FAM178B: variants seen among roughly 807,000 people sequenced by gnomAD.
The protein encoded by FAM178B is protein FAM178B.
FAM178B carries 82 observed loss-of-function variants against 91.7 expected under a neutral mutation model. That is an observed-to-expected ratio of 0.89 (90% CI 0.75 to 1.07). FAM178B has a LOEUF of 1.07. Among genes scored for constraint, FAM178B ranks in the 50% least tolerant of loss-of-function variants. The probability of loss-of-function intolerance (pLI) is 0.00; values close to 1 mark genes in which losing one functional copy is unlikely to be tolerated. For missense variants in FAM178B, 769 were observed against 846.7 expected, an observed-to-expected ratio of 0.91 and a Z score of 1.14; for synonymous variants, 368 against 359.4, an observed-to-expected ratio of 1.02 and a Z score of -0.27.
chr2:96,978,888 G>A (rs556057787), intron 1 of FAM178B, among the ~76,000 whole-genome samples: 1 of 151,386 alleles, frequency 6.6e-6, no homozygotes, highest in South Asian at 2.1e-4. Flanking sequence ...GCCTCTCAAA[G>A]TGCTGGGATT....
At chr2:96,938,797 G>A (rs1268904643) in intron 8 of FAM178B, 1 of 152,358 alleles carries the variant, frequency 6.6e-6, no homozygotes, top group African/African-American at 2.4e-5. Flanking sequence ...AAAGCCACGA[G>A]TGGAAAAGGG....
intron 8 of FAM178B, among the ~76,000 whole-genome samples, chr2:96,943,573 G>A (rs1041088163): frequency 1.3e-5 from 2 of 152,136 alleles, no homozygotes; most frequent in African/African-American, 4.8e-5. Flanking sequence ...AAAAACTACT[G>A]AATCTTACAT....
At chr2:96,884,019 AG>A (rs2080455436) in intron 14 of FAM178B, among the ~76,000 whole-genome samples, 1 of 152,324 alleles carries the variant, frequency 6.6e-6, no homozygotes, top group East Asian at 1.9e-4. Context: ...AGTCTGGGAA[AG>A]GCTGAAGCTG....
At chr2:96,961,029 A>T in intron 5 of FAM178B, among the ~76,000 whole-genome samples, 1 of 152,156 alleles carries the variant, frequency 6.6e-6, no homozygotes, top group Admixed American at 6.5e-5. Flanking sequence ...TCTGAGGACC[A>T]CCCAGACAGC....
chr2:96,905,837 TATATATATATATATATATATATA>T lies in FAM178B; in HGVS notation c.1563-3153_1563-3131del, dbSNP rs1559064086. Among the ~76,000 whole-genome samples the T allele has an allele frequency of 9.7e-3, 273 of 28,186 alleles. 6 individuals are homozygous for T. Among genetic ancestry groups the T allele is most frequent in the South Asian group, 0.024 (29 of 1,186 alleles). The allele number at this position is 28,186 out of a possible 152,430, so 18.5% of individuals were successfully genotyped here. ...ATGTGTGTATATATATATATATATA[TATATATATATATATATATATATA>T]TTTTTTTTTTTTTTTTTTTTTTTTT... On this transcript the variant is annotated intron_variant, in intron 12 of 16. Coordinates refer to ENST00000490605, the MANE Select transcript of FAM178B (RefSeq NM_001122646.3).
intron 1 of FAM178B, among the ~76,000 whole-genome samples, chr2:96,984,273 A>G (rs1224029820): frequency 6.6e-6 from 1 of 152,122 alleles, no homozygotes; most frequent in African/African-American, 2.4e-5. Context: ...TGGTACATAA[A>G]AACTTTCACT....
chr2:96,932,158 G>A (rs939451062), intron 8 of FAM178B, among the ~76,000 whole-genome samples: 2 of 152,104 alleles, frequency 1.3e-5, no homozygotes, highest in African/African-American at 2.4e-5. Context: ...GGTTGTGCCC[G>A]CCTCCCCTTG....
chr2:96,931,534 G>GGC (rs2081539190), intron 8 of FAM178B, among the ~76,000 whole-genome samples: 1 of 152,192 alleles, frequency 6.6e-6, no homozygotes, highest in African/African-American at 2.4e-5. Context: ...AAAAGACGGA[G>GGC]GCAGGGCAGC....
chr2:96,945,184 C>T (rs1304819044), intron 8 of FAM178B, among the ~76,000 whole-genome samples: 1 of 152,176 alleles, frequency 6.6e-6, no homozygotes, highest in Non-Finnish European at 1.5e-5. Flanking sequence ...CAGAGTATCC[C>T]TTCTCTGAGT....
intron 12 of FAM178B, among the ~76,000 whole-genome samples, chr2:96,912,249 G>C (rs1223526186): frequency 6.6e-6 from 1 of 152,114 alleles, no homozygotes; most frequent in African/African-American, 2.4e-5. Flanking sequence ...TCAGCACTGG[G>C]CTGCTGCCAA....
chr2:96,972,655 A>AATT (rs1559105552), intron 1 of FAM178B, 49 bp from the exon 2 acceptor site: 1 of 1,511,582 alleles, frequency 6.6e-7, no homozygotes, highest in Admixed American at 2.0e-5. Context: ...AAGAAAGCTA[A>AATT]AGGTTCTAAA....
At chr2:96,968,935 A>G (rs1257008) in intron 4 of FAM178B, among the ~76,000 whole-genome samples, 126,288 of 152,130 alleles carry the variant, frequency 0.83, 53,738 homozygotes, top group African/African-American at 0.89. Context: ...TTTGGGTCCT[A>G]ACCGGCACAG....
At chr2:96,911,156 G>A (rs1028788588) in intron 12 of FAM178B, among the ~76,000 whole-genome samples, 1 of 152,122 alleles carries the variant, frequency 6.6e-6, no homozygotes, top group African/African-American at 2.4e-5. Context: ...TGCTGAGTGA[G>A]TCCCCCTGCC....
At chr2:96,937,706 CTGA>C (rs1469671548) in intron 8 of FAM178B, among the ~76,000 whole-genome samples, 3 of 152,182 alleles carry the variant, frequency 2.0e-5, no homozygotes, top group Non-Finnish European at 4.4e-5. Context: ...CAGCCATCCT[CTGA>C]TCAGAGTCTA....
intron 13 of FAM178B, among the ~76,000 whole-genome samples, chr2:96,900,342 G>A (rs575232331): frequency 6.6e-6 from 1 of 151,610 alleles, no homozygotes; most frequent in Non-Finnish European, 1.5e-5. Flanking sequence ...CCCTCCCAAG[G>A]TCTCAGCTGG....
rs547126451 is a variant in FAM178B at position 96,880,699 on chromosome 2, G to A, written c.1777-2206C>T. 3.3e-5 allele frequency among the ~76,000 whole-genome samples: 5 copies of A among 152,144 alleles called. No homozygotes were observed. The South Asian group carries it at 6.2e-4, about 19-fold the overall frequency. On this transcript the variant is annotated intron_variant, in intron 14 of 16. Transcript: ENST00000490605. ...AAGCTCTGCCTCCCGGGCTCACGCC[G>A]TTGTCCTGCCTCAGCCTCTGGAATA... is the stretch of plus-strand genomic sequence containing the variant.
At chr2:96,878,611 C>A in intron 14 of FAM178B, 118 bp from the exon 15 acceptor site, 1 of 873,724 alleles carries the variant, frequency 1.1e-6, no homozygotes, top group Non-Finnish European at 1.8e-6. Context: ...GGCTCAGTCA[C>A]CCCTAGGCTT....
At chr2:96,905,818 GTATATATATATATATATATATATATA>G (rs1226987241) in intron 12 of FAM178B, among the ~76,000 whole-genome samples, 2 of 34,200 alleles carry the variant, frequency 5.8e-5, no homozygotes, top group Non-Finnish European at 1.1e-4. Context: ...ATATATGTGT[GTATATATATATATATATATATATATA>G]TATATATATA....
chr2:96,877,953 G>A lies in FAM178B; in HGVS notation c.1944C>T (p.Leu648=). 1 of 1,613,878 alleles carries A rather than the reference G, an allele frequency of 6.2e-7. No individual in the cohort carries two copies. The highest frequency in any genetic ancestry group is 8.5e-7 in the Non-Finnish European group (1 of 1,180,024). ...TGTAGGTCTGGGTAGCCAGGTCCTTGAGCATGGTGCGGTGCATGGCCTGGG... is the reference window on the plus strand; with the variant it reads ...TGTAGGTCTGGGTAGCCAGGTCCTTAAGCATGGTGCGGTGCATGGCCTGGG... ...ESPQAMHRTM[L]KDLATQTYIR... Residue 648 remains leucine, a synonymous_variant, in exon 16 of 17, where the codon CTC becomes CTT. Coordinates refer to ENST00000490605, the MANE Select transcript of FAM178B (RefSeq NM_001122646.3).
Sources: allele counts gnomAD v4.1 joint callset (sites outside exome capture counted in the v4.1 genomes callset), GRCh38; gene constraint gnomAD v4.1.1; transcripts MANE v1.5; gene names NCBI Gene and HGNC (gene_info 2026-07-23, HGNC 2026-07-21).